The following VASH1 variants were observed in gnomAD, a reference collection of about 807,000 sequenced individuals.
VASH1 encodes the protein vasohibin 1, also known as tubulinyl-Tyr carboxypeptidase 1.
A neutral mutation model predicts 35.0 loss-of-function variants in VASH1; 16 were observed. The observed-to-expected ratio is 0.46, with a 90% CI of 0.31 to 0.70. VASH1 has a LOEUF of 0.70. Ranked by LOEUF, VASH1 falls within the 30% of genes least tolerant of loss-of-function variation. The pLI, the probability that VASH1 is intolerant of heterozygous loss-of-function variation, is 0.05. For synonymous variants in VASH1, 214 were observed against 200.9 expected (o/e 1.07, Z -0.55); for missense variants, 505 against 510.7 (o/e 0.99, Z 0.11).
chr14:76,777,826 C>T (rs2140189441), intron 5 of VASH1, 133 bp from the exon 6 acceptor site: 1 of 554,970 alleles, frequency 1.8e-6, no homozygotes, highest in Non-Finnish European at 2.9e-6. Context: ...AAGATCCAGA[C>T]AGGGAAGAGC....
intron 1 of VASH1, chr14:76,769,499 C>T (rs1304386335): frequency 7.8e-7 from 1 of 1,288,068 alleles, no homozygotes; most frequent in Non-Finnish European, 1.0e-6. Context: ...GGATGCTCAC[C>T]CCCCTCAGGA....
intron 1 of VASH1, among the ~76,000 whole-genome samples, chr14:76,766,798 GATA>G (rs1210140446): frequency 6.6e-6 from 1 of 152,196 alleles, no homozygotes; most frequent in Non-Finnish European, 1.5e-5. Context: ...GAGGCACACT[GATA>G]ATGATGACAG....
chr14:76,770,663 T>C (rs1893770330), intron 2 of VASH1, among the ~76,000 whole-genome samples: 1 of 152,150 alleles, frequency 6.6e-6, no homozygotes, highest in Non-Finnish European at 1.5e-5. Context: ...CTGTGTGTCC[T>C]GGGTCCTCTC....
At chr14:76,764,119 G>A (rs558087168) in intron 1 of VASH1, among the ~76,000 whole-genome samples, 28 of 152,334 alleles carry the variant, frequency 1.8e-4, no homozygotes, top group Admixed American at 1.2e-3. Flanking sequence ...GCTTAGCCCT[G>A]CCTGCCCAGG....
rs1265383472 is a variant in VASH1, at chr14:76,779,530, G to A, written c.*512G>A. On this transcript the variant is annotated 3_prime_UTR_variant, in exon 7 of 7. Transcript: ENST00000167106. ...TCTTGACCCAGGGAAAGGGAAGCAG[G>A]GTAGGAGTCCTTCTGAGAAAGGTCT... 1 of 698,046 alleles carries A rather than the reference G, an allele frequency of 1.4e-6. No homozygotes were observed. The highest frequency in any genetic ancestry group is 2.0e-5 in the Admixed American group (1 of 49,690). 43.2% of individuals were successfully genotyped at this position (698,046 alleles called of 1,614,324 possible). A position where few individuals can be genotyped will look rare whatever the true frequency, so the allele number is the denominator to read the frequency against.
Position 76,765,738 on chromosome 14 carries a change from A to C in VASH1, c.309+2608A>C, listed in dbSNP as rs191994109. ...TTTCAGAAAATAAGAAGACTTGGGA[A>C]CACATGGGAATCTGCAGTCCCACGT... On this transcript the variant is annotated intron_variant, in intron 1 of 6. Coordinates refer to ENST00000167106, the MANE Select transcript of VASH1 (RefSeq NM_014909.5). 1.1e-4 allele frequency among the ~76,000 whole-genome samples: 16 copies of C among 152,332 alleles called. 1 individual carries two copies. The highest frequency in any genetic ancestry group is 8.3e-4 in the South Asian group (4 of 4,834).
rs1421447611 is a variant in VASH1 at position 76,762,018 on chromosome 14, C to T, written c.-804C>T. Among the ~76,000 whole-genome samples the T allele has an allele frequency of 6.6e-6, 1 of 152,148 alleles. No individual in the cohort carries two copies. The highest frequency in any genetic ancestry group is 2.4e-5 in the African/African-American group (1 of 41,442). The stretch of plus-strand genomic sequence containing the variant: ...GCTGAGACGCGCCCGAGTGGGGACC[C>T]GCTGGGCCTCGGGGCTCGCAGCCTT... On this transcript the variant is annotated 5_prime_UTR_variant, in exon 1 of 7. Transcript: ENST00000167106.
At chr14:76,765,871 C>T (rs898187984) in intron 1 of VASH1, among the ~76,000 whole-genome samples, 2 of 152,156 alleles carry the variant, frequency 1.3e-5, no homozygotes, top group Non-Finnish European at 2.9e-5. Flanking sequence ...ACTTGCCCGG[C>T]CCCTGCATGT....
At position 76,778,953 on chromosome 14, in the gene VASH1, G is replaced by A; in HGVS notation, c.1033G>A (p.Gly345Ser). ...RNSRSERRPS[G>S]DKKTSEPKAM... ...GCTCTCTTCCTCCCACAGGCCCTCG[G>A]GTGACAAGAAGACTTCCGAGCCCAA... The change falls in exon 7 of 7, where the codon GGT becomes AGT. Residue 345 changes from glycine to serine, a missense_variant. Coordinates refer to ENST00000167106, the MANE Select transcript of VASH1 (RefSeq NM_014909.5). The A allele has an allele frequency of 6.2e-7, 1 of 1,614,158 alleles. No homozygotes were observed. Among genetic ancestry groups the A allele is most frequent in the Non-Finnish European group, 8.5e-7 (1 of 1,180,016 alleles).
At chr14:76,764,907 G>T (rs892552496) in intron 1 of VASH1, among the ~76,000 whole-genome samples, 1 of 152,012 alleles carries the variant, frequency 6.6e-6, no homozygotes, top group African/African-American at 2.4e-5. Flanking sequence ...GGCCAGGCTG[G>T]TCTCAAACTC....
chr14:76,778,121 T>C, intron 6 of VASH1, 50 bp downstream of exon 6: 1 of 1,318,560 alleles, frequency 7.6e-7, no homozygotes. Flanking sequence ...TTTTTTCCTT[T>C]CCTCTCATCG....
rs969757253 is a variant in VASH1 at position 76,761,664 on chromosome 14, C to G, written c.-1158C>G. On this transcript the variant is annotated 5_prime_UTR_variant, in exon 1 of 7. Coordinates refer to ENST00000167106, the MANE Select transcript of VASH1 (RefSeq NM_014909.5). ...ACCAGCGCAGCGCGCGCTCGCCCGGCTTCGTCACTCGCCTCCAGCTACATC... is the reference window on the plus strand; with the variant it reads ...ACCAGCGCAGCGCGCGCTCGCCCGGGTTCGTCACTCGCCTCCAGCTACATC... Among the ~76,000 whole-genome samples the G allele has an allele frequency of 1.3e-5, 2 of 151,910 alleles. No homozygotes were observed. The highest frequency in any genetic ancestry group is 2.9e-5 in the Non-Finnish European group (2 of 67,930).
chr14:76,770,266 T>G (rs1313427336), intron 2 of VASH1, among the ~76,000 whole-genome samples: 2 of 152,128 alleles, frequency 1.3e-5, no homozygotes, highest in African/African-American at 4.8e-5. Flanking sequence ...CAGGGCCCAC[T>G]CTGCACTCTC....
chr14:76,777,881 ACCTGTGGCTCCTGGAAGGAGAGGTTGGG>A, intron 5 of VASH1, 50 bp from the exon 6 acceptor site: 1 of 1,124,806 alleles, frequency 8.9e-7, no homozygotes, highest in Non-Finnish European at 1.2e-6. Flanking sequence ...GCCTCCAGGG[ACCTGTGGCTCCTGGAAGGAGAGGTTGGG>A]CTCCAGGGCA....
At position 76,773,182 on chromosome 14, in the gene VASH1, C is replaced by G; in HGVS notation, c.501C>G (p.Ile167Met). 1 of 1,614,136 alleles carries G rather than the reference C, an allele frequency of 6.2e-7. No homozygotes were observed. The highest frequency in any genetic ancestry group is 8.5e-7 in the Non-Finnish European group (1 of 1,180,014). Residue 167 changes from isoleucine (I) to methionine (M), a missense_variant, in exon 4 of 7, where the codon ATC becomes ATG. Coordinates refer to ENST00000167106, the MANE Select transcript of VASH1 (RefSeq NM_014909.5). ...AAATGACCAAAGAGGCCCTGCCAAT[C>G]AAATGCCTGGAAGCCGTGATCCTGG... is the stretch of plus-strand genomic sequence containing the variant. ...AKEMTKEALP[I>M]KCLEAVILGI...
intron 4 of VASH1, 164 bp downstream of exon 4, chr14:76,773,375 C>A: frequency 1.5e-6 from 1 of 673,224 alleles, no homozygotes; most frequent in Non-Finnish European, 2.5e-6. Flanking sequence ...GTGGAAGAAC[C>A]CCCCAAAATG....
chr14:76,771,407 A>G (rs963993800), intron 3 of VASH1, among the ~76,000 whole-genome samples, 161 bp downstream of exon 3: 1 of 152,212 alleles, frequency 6.6e-6, no homozygotes, highest in Non-Finnish European at 1.5e-5. Context: ...TATGGATGTC[A>G]TAAAGAGAAA....
Position 76,762,047 on chromosome 14 carries a change from C to T in VASH1, c.-775C>T, listed in dbSNP as rs944665377. 6.6e-6 allele frequency: 1 copy of T among 152,534 alleles called. No homozygotes were observed. The highest frequency in any genetic ancestry group is 2.4e-5 in the African/African-American group (1 of 41,442). The allele number at this position is 152,534 out of a possible 1,614,324, so 9.4% of individuals were successfully genotyped here. A position where few individuals can be genotyped will look rare whatever the true frequency, so the allele number is the denominator to read the frequency against. On this transcript the variant is annotated 5_prime_UTR_variant, in exon 1 of 7. Coordinates refer to ENST00000167106, the MANE Select transcript of VASH1 (RefSeq NM_014909.5). Reference sequence around the variant, plus strand: ...GGGCCTCGGGGCTCGCAGCCTTCGCCTCCCCGCCGCGCCCGCTCCCTTTCT... The same window carrying T: ...GGGCCTCGGGGCTCGCAGCCTTCGCTTCCCCGCCGCGCCCGCTCCCTTTCT...
At position 76,761,655 on chromosome 14, in the gene VASH1, C is replaced by G. The variant is rs115344750; in HGVS notation, c.-1167C>G. On this transcript the variant is annotated 5_prime_UTR_variant, in exon 1 of 7. Transcript: ENST00000167106. Reference sequence around the variant, plus strand: ...TCCCCAGGCACCAGCGCAGCGCGCGCTCGCCCGGCTTCGTCACTCGCCTCC... The same window carrying G: ...TCCCCAGGCACCAGCGCAGCGCGCGGTCGCCCGGCTTCGTCACTCGCCTCC... Among the ~76,000 whole-genome samples the G allele has an allele frequency of 6.6e-6, 1 of 151,968 alleles. No individual in the cohort carries two copies. The highest frequency in any genetic ancestry group is 2.4e-5 in the African/African-American group (1 of 41,520).
Sources: allele counts gnomAD v4.1 joint callset (sites outside exome capture counted in the v4.1 genomes callset), GRCh38; gene constraint gnomAD v4.1.1; transcripts MANE v1.5; gene names NCBI Gene and HGNC (gene_info 2026-07-23, HGNC 2026-07-21).